The following PTPRN2 variants were observed in gnomAD, a reference collection of about 807,000 sequenced individuals.
PTPRN2 encodes the protein protein tyrosine phosphatase receptor type N2, also known as receptor-type tyrosine-protein phosphatase N2.
A neutral mutation model predicts 118.8 loss-of-function variants in PTPRN2; 74 were observed. The observed-to-expected ratio is 0.62, with a 90% confidence interval of 0.52 to 0.76. PTPRN2 has a LOEUF of 0.76. Ranked by LOEUF, PTPRN2 falls within the 30% of genes least tolerant of loss-of-function variation. The pLI, the probability that PTPRN2 is intolerant of heterozygous loss-of-function variation, is 0.00. For missense variants in PTPRN2, 1,481 were observed against 1,394.4 expected (o/e 1.06, Z -0.99); for synonymous variants, 641 against 608.0 (o/e 1.05, Z -0.80).
intron 11 of PTPRN2, among the ~76,000 whole-genome samples, chr7:158,051,956 T>C (rs940344600): frequency 6.6e-6 from 1 of 152,150 alleles, no homozygotes; most frequent in Non-Finnish European, 1.5e-5. Context: ...GTGTTACTCA[T>C]GCATGAGGGG....
intron 1 of PTPRN2, among the ~76,000 whole-genome samples, chr7:158,493,989 T>A (rs1821643398): frequency 6.6e-6 from 1 of 152,264 alleles, no homozygotes; most frequent in African/African-American, 2.4e-5. Flanking sequence ...CTCAGAACTC[T>A]AAGCAGTATC....
At position 157,690,874 on chromosome 7, in the gene PTPRN2, G is replaced by A. The variant is rs1054618801; in HGVS notation, c.1789-7937C>T. 8.2e-5 allele frequency among the ~76,000 whole-genome samples: 12 copies of A among 146,096 alleles called. No homozygotes were observed. Among genetic ancestry groups the A allele is most frequent in the African/African-American group, 2.9e-4 (12 of 40,680 alleles). ...CGTGCTCCGCCCCGGCCCGGCCCCC[G>A]GGCTAGGCACGCTGGGCCGGGGCGC... is the stretch of plus-strand genomic sequence containing the variant. On this transcript the variant is annotated intron_variant, in intron 12 of 22. Coordinates refer to ENST00000389418, the MANE Select transcript of PTPRN2 (RefSeq NM_002847.5). The surrounding 1 kb of genome is among the most constrained non-coding windows in gnomAD (Gnocchi z 7.1).
At chr7:157,879,889 C>T (rs1327236765) in intron 12 of PTPRN2, among the ~76,000 whole-genome samples, 1 of 147,138 alleles carries the variant, frequency 6.8e-6, no homozygotes, top group Non-Finnish European at 1.5e-5. Context: ...ATTAGATTTT[C>T]ATCTCCTGAG....
At position 158,274,562 on chromosome 7, in the gene PTPRN2, G is replaced by A. The variant is rs113136568; in HGVS notation, c.277+42257C>T. ...GGAGCCACAGACACCCTCACACTCCGGGATCTAGCGTGTGTGGACGAGCCC... is the reference window on the plus strand; with the variant it reads ...GGAGCCACAGACACCCTCACACTCCAGGATCTAGCGTGTGTGGACGAGCCC... On this transcript the variant is annotated intron_variant, in intron 3 of 22. Transcript: ENST00000389418. 1.8e-3 allele frequency among the ~76,000 whole-genome samples: 272 copies of A among 150,548 alleles called. 1 individual carries two copies. The highest frequency in any genetic ancestry group is 6.1e-3 in the African/African-American group (251 of 41,402).
chr7:158,157,765 G>A (rs1821966927), intron 6 of PTPRN2, among the ~76,000 whole-genome samples: 2 of 152,202 alleles, frequency 1.3e-5, no homozygotes, highest in Non-Finnish European at 2.9e-5. Context: ...AGCACCCCGG[G>A]TGCCCTCTCC....
In PTPRN2 at chr7:157,587,422, T is replaced by C. The variant is rs1447398877; in HGVS notation, c.2496+7816A>G. On this transcript the variant is annotated intron_variant, in intron 17 of 22. Transcript: ENST00000389418. The surrounding 1 kb of genome is among the most constrained non-coding windows in gnomAD (Gnocchi z 5.3). Reference sequence around the variant, plus strand: ...GAAACACCGTTAAATTCTTTGGGTCTTCCACAGTTCCAAGTTCAGGATTTT... The same window carrying C: ...GAAACACCGTTAAATTCTTTGGGTCCTCCACAGTTCCAAGTTCAGGATTTT... Among the ~76,000 whole-genome samples the C allele has an allele frequency of 6.6e-6, 1 of 152,202 alleles. No individual in the cohort carries two copies. The highest frequency in any genetic ancestry group is 1.9e-4 in the East Asian group (1 of 5,190).
intron 11 of PTPRN2, among the ~76,000 whole-genome samples, chr7:158,056,497 T>C (rs2128902111): frequency 6.6e-6 from 1 of 152,272 alleles, no homozygotes; most frequent in East Asian, 1.9e-4. Context: ...ACAAAATACT[T>C]CCACATGTGC....
At chr7:158,346,800 G>T (rs1807545110) in intron 2 of PTPRN2, among the ~76,000 whole-genome samples, 1 of 152,166 alleles carries the variant, frequency 6.6e-6, no homozygotes, top group Non-Finnish European at 1.5e-5. Flanking sequence ...CATTCTAACA[G>T]GTGTGATATG....
intron 2 of PTPRN2, among the ~76,000 whole-genome samples, chr7:158,414,617 C>A (rs145111994): frequency 1.8e-3 from 269 of 152,352 alleles, no homozygotes; most frequent in African/African-American, 6.2e-3. Context: ...GGCTGGAGGC[C>A]GCCCCCGCTT....
rs1350845053 is a variant in PTPRN2 at position 157,831,974 on chromosome 7, T to G, written c.1788+66699A>C. ...TTGTCTGGCAGTTGCTTCGTCTGCA[T>G]GAGGAGTGACGGCTGGGCTGCTGAT... On this transcript the variant is annotated intron_variant, in intron 12 of 22. Transcript: ENST00000389418. The surrounding 1 kb of genome is among the most constrained non-coding windows in gnomAD (Gnocchi z 4.8). 1.3e-5 allele frequency among the ~76,000 whole-genome samples: 2 copies of G among 152,234 alleles called. No individual in the cohort carries two copies. Among genetic ancestry groups the G allele is most frequent in the Non-Finnish European group, 2.9e-5 (2 of 68,038 alleles).
intron 11 of PTPRN2, among the ~76,000 whole-genome samples, chr7:157,980,441 T>A (rs1803050225): frequency 6.6e-6 from 1 of 152,322 alleles, no homozygotes; most frequent in Non-Finnish European, 1.5e-5. Flanking sequence ...TGAGCAGCCA[T>A]AAGATACAGC....
intron 12 of PTPRN2, among the ~76,000 whole-genome samples, chr7:157,847,317 C>T (rs371429363): frequency 7.1e-6 from 1 of 141,316 alleles, no homozygotes; most frequent in Admixed American, 7.0e-5. Context: ...CATGTGTGGC[C>T]GATGTTTACA....
At chr7:158,242,479 T>C (rs1795957751) in intron 3 of PTPRN2, among the ~76,000 whole-genome samples, 1 of 152,224 alleles carries the variant, frequency 6.6e-6, no homozygotes, top group Non-Finnish European at 1.5e-5. Context: ...TCGTCGGGAA[T>C]ACTGGCCTGT....
intron 4 of PTPRN2, 99 bp downstream of exon 4, chr7:158,205,072 G>T: frequency 9.8e-7 from 1 of 1,022,780 alleles, no homozygotes; most frequent in Non-Finnish European, 1.5e-6. Context: ...GATGGTGGGT[G>T]CTTTGCTACA....
chr7:158,205,491 T>C (rs1302147824), intron 3 of PTPRN2, among the ~76,000 whole-genome samples: 1 of 152,154 alleles, frequency 6.6e-6, no homozygotes, highest in Non-Finnish European at 1.5e-5. Context: ...GCTGCATTAA[T>C]AGTAATAAAA....
At chr7:158,335,137 C>A (rs1308098910) in intron 2 of PTPRN2, among the ~76,000 whole-genome samples, 1 of 18,182 alleles carries the variant, frequency 5.5e-5, no homozygotes, top group East Asian at 1.4e-3. Context: ...GACACTCACA[C>A]CCACACTCTG....
rs1799245644 is a variant in PTPRN2 at position 157,929,682 on chromosome 7, TG to T, written c.1724-30946del. Among the ~76,000 whole-genome samples the T allele has an allele frequency of 6.6e-6, 1 of 152,200 alleles. No individual in the cohort carries two copies. Among genetic ancestry groups the T allele is most frequent in the Non-Finnish European group, 1.5e-5 (1 of 68,020 alleles). ...ATTCACCAGCCTCCTCTGTCTCTACTGTAAGACTTCCCTGTCCCTCGGGTGG... is the reference window on the plus strand; with the variant it reads ...ATTCACCAGCCTCCTCTGTCTCTACTTAAGACTTCCCTGTCCCTCGGGTGG... On this transcript the variant is annotated intron_variant, in intron 11 of 22. Transcript: ENST00000389418. This position sits in a 1 kb window ranked among gnomAD's most constrained non-coding sequence, Gnocchi z 4.4.
intron 5 of PTPRN2, among the ~76,000 whole-genome samples, chr7:158,190,445 G>A (rs1188653757): frequency 6.6e-6 from 1 of 152,232 alleles, no homozygotes; most frequent in Non-Finnish European, 1.5e-5. Context: ...CCCACACAGA[G>A]AGACTCCCAC....
chr7:157,543,522 CA>C (rs1488077878), intron 22 of PTPRN2, among the ~76,000 whole-genome samples: 1 of 152,222 alleles, frequency 6.6e-6, no homozygotes, highest in Non-Finnish European at 1.5e-5. Context: ...ATGGAGGCTG[CA>C]GGAGCTGCCA....
Sources: allele counts gnomAD v4.1 joint callset (sites outside exome capture counted in the v4.1 genomes callset), GRCh38; gene constraint gnomAD v4.1.1; non-coding constraint Gnocchi (gnomAD v3.1); transcripts MANE v1.5; gene names NCBI Gene and HGNC (gene_info 2026-07-23, HGNC 2026-07-21).